The following FAM53B variants were observed in gnomAD, a reference collection of about 807,000 sequenced individuals.
The protein encoded by FAM53B is family with sequence similarity 53 member B.
In FAM53B, 12 loss-of-function variants were observed where a neutral mutation model predicts 32.7. That is an observed-to-expected ratio of 0.37 (90% confidence interval 0.24 to 0.59). FAM53B has a LOEUF of 0.59. Among genes scored for constraint, FAM53B ranks in the 20% least tolerant of loss-of-function variants. The pLI, the probability that FAM53B is intolerant of heterozygous loss-of-function variation, is 0.72. For missense variants in FAM53B, 477 were observed against 577.7 expected, an observed-to-expected ratio of 0.83 and a Z score of 1.79; for synonymous variants, 234 against 228.7, an observed-to-expected ratio of 1.02 and a Z score of -0.21.
chr10:124,725,995 G>A (rs1032976502), intron 1 of FAM53B, among the ~76,000 whole-genome samples: 11 of 152,164 alleles, frequency 7.2e-5, no homozygotes, highest in African/African-American at 1.9e-4. Flanking sequence ...TTCTCCAAGC[G>A]TGGACCCGGA....
intron 3 of FAM53B, among the ~76,000 whole-genome samples, chr10:124,693,101 T>C (rs1273094385): frequency 6.6e-6 from 1 of 152,152 alleles, no homozygotes; most frequent in Non-Finnish European, 1.5e-5. Context: ...TCGCACAGCA[T>C]TGTCCAGCGC....
intron 1 of FAM53B, among the ~76,000 whole-genome samples, chr10:124,711,514 C>T (rs1950003364): frequency 6.6e-6 from 1 of 151,946 alleles, no homozygotes; most frequent in Non-Finnish European, 1.5e-5. Flanking sequence ...CCTGTAACTG[C>T]ATGAGTGTAA....
chr10:124,702,885 C>G (rs756169188), intron 2 of FAM53B, among the ~76,000 whole-genome samples: 23 of 152,100 alleles, frequency 1.5e-4, no homozygotes, highest in Non-Finnish European at 3.2e-4. Flanking sequence ...AGGGAGTCCT[C>G]GCTCTTCTAG....
At position 124,696,191 on chromosome 10, in the gene FAM53B, G is replaced by A; in HGVS notation, c.100C>T (p.Gln34Ter). The change falls in exon 3 of 5, where the codon CAA becomes TAA. Residue 34 changes from glutamine to a stop codon, truncating the protein, a stop_gained. Coordinates refer to ENST00000337318, the MANE Select transcript of FAM53B (RefSeq NM_014661.4). LOFTEE classifies it high-confidence loss of function. Reference protein sequence around the residue: ...RELHTPKKMSQGPTLFSCGIM... With the variant: ...RELHTPKKMS ...CCACAAGAGAAAAGTGTAGGTCCTT[G>A]ACTCATCTTCTTTGGCGTGTGCTGA... 6.2e-7 allele frequency: 1 copy of A among 1,614,064 alleles called. No homozygotes were observed. The highest frequency in any genetic ancestry group is 8.5e-7 in the Non-Finnish European group (1 of 1,179,938).
chr10:124,675,940 C>T (rs1477369021), intron 4 of FAM53B, among the ~76,000 whole-genome samples: 1 of 152,216 alleles, frequency 6.6e-6, no homozygotes, highest in Non-Finnish European at 1.5e-5. Context: ...CAATGGCTGC[C>T]AAGACTGCCA....
At chr10:124,632,016 A>G (rs1360436984) in intron 4 of FAM53B, among the ~76,000 whole-genome samples, 1 of 152,094 alleles carries the variant, frequency 6.6e-6, no homozygotes, top group Non-Finnish European at 1.5e-5. Flanking sequence ...GGCCCTCCCA[A>G]CTGGGCCTCT....
intron 4 of FAM53B, among the ~76,000 whole-genome samples, chr10:124,652,529 C>T (rs1053280303): frequency 2.6e-5 from 4 of 152,192 alleles, no homozygotes; most frequent in African/African-American, 9.7e-5. Flanking sequence ...CCATGGCCAG[C>T]CACTTCCCTC....
At chr10:124,653,220 C>T (rs963295263) in intron 4 of FAM53B, among the ~76,000 whole-genome samples, 2 of 152,216 alleles carry the variant, frequency 1.3e-5, no homozygotes, top group Admixed American at 6.5e-5. Context: ...GGGAGAAGCC[C>T]ATAGGCTTGG....
chr10:124,661,412 C>G (rs1949630383), intron 4 of FAM53B, among the ~76,000 whole-genome samples: 1 of 152,230 alleles, frequency 6.6e-6, no homozygotes, highest in Admixed American at 6.5e-5. Context: ...TAACCCACCT[C>G]AACTGCAGAG....
intron 4 of FAM53B, among the ~76,000 whole-genome samples, chr10:124,666,100 C>T (rs567002032): frequency 2.6e-5 from 4 of 152,342 alleles, no homozygotes; most frequent in Non-Finnish European, 5.9e-5. Flanking sequence ...TGCCTAGACT[C>T]TGAGGGCCCA....
In FAM53B at chr10:124,706,819, C is replaced by A; in HGVS notation, c.-106G>T. The A allele has an allele frequency of 6.3e-7, 1 of 1,575,124 alleles. No homozygotes were observed. Among genetic ancestry groups the A allele is most frequent in the Non-Finnish European group, 8.6e-7 (1 of 1,159,616 alleles). ...CCTGGGGAATTGATGTCAGCAGAAA[C>A]AGCTCCCCATTGGCCACTCACCCTT... On this transcript the variant is annotated 5_prime_UTR_variant, in exon 2 of 5. Coordinates refer to ENST00000337318, the MANE Select transcript of FAM53B (RefSeq NM_014661.4).
At chr10:124,664,991 A>G (rs1377329517) in intron 4 of FAM53B, among the ~76,000 whole-genome samples, 2 of 152,074 alleles carry the variant, frequency 1.3e-5, no homozygotes, top group Non-Finnish European at 2.9e-5. Flanking sequence ...TCCCTGATGA[A>G]CTTTCCCCTC....
chr10:124,658,460 C>G (rs1311606373), intron 4 of FAM53B, among the ~76,000 whole-genome samples: 1 of 152,226 alleles, frequency 6.6e-6, no homozygotes, highest in African/African-American at 2.4e-5. Context: ...GGGTGGCCCC[C>G]ACTCATACAT....
intron 1 of FAM53B, among the ~76,000 whole-genome samples, chr10:124,732,119 G>T (rs1317624503): frequency 6.6e-6 from 1 of 152,172 alleles, no homozygotes. Context: ...TAGCAATCAG[G>T]GGGTAGGACA....
intron 4 of FAM53B, among the ~76,000 whole-genome samples, chr10:124,672,118 C>T (rs530481715): frequency 6.6e-6 from 1 of 152,340 alleles, no homozygotes; most frequent in African/African-American, 2.4e-5. Flanking sequence ...GCTCATGCTG[C>T]CAAAGGCGAA....
chr10:124,654,728 A>G (rs1481213535), intron 4 of FAM53B, among the ~76,000 whole-genome samples: 1 of 152,090 alleles, frequency 6.6e-6, no homozygotes, highest in African/African-American at 2.4e-5. Context: ...TGTTGTGGGT[A>G]GGGCTGTAGG....
intron 1 of FAM53B, among the ~76,000 whole-genome samples, chr10:124,743,250 A>G (rs1053938670): frequency 8.5e-5 from 13 of 152,208 alleles, no homozygotes; most frequent in African/African-American, 2.7e-4. Flanking sequence ...CTGCCCCAAG[A>G]GAAACCCTGA....
chr10:124,740,493 T>C (rs1950193754), intron 1 of FAM53B, among the ~76,000 whole-genome samples: 1 of 152,178 alleles, frequency 6.6e-6, no homozygotes, highest in South Asian at 2.1e-4. Context: ...TACATCAGCA[T>C]ATCTAAGCCT....
At chr10:124,691,306 G>T (rs1224964330) in intron 3 of FAM53B, among the ~76,000 whole-genome samples, 2 of 152,184 alleles carry the variant, frequency 1.3e-5, no homozygotes, top group Non-Finnish European at 2.9e-5. Context: ...TTAAAATGCG[G>T]ACAAACCTGA....
Sources: gnomAD v4.1 joint callset for allele counts (sites outside exome capture counted in the v4.1 genomes callset) on GRCh38, gnomAD v4.1.1 for gene constraint, MANE v1.5 for transcripts, NCBI Gene and HGNC (gene_info 2026-07-23, HGNC 2026-07-21) for gene names.